Variants in PCMTD2 observed in about 807,000 individuals in gnomAD.
PCMTD2 encodes protein-L-isoaspartate O-methyltransferase domain-containing protein 2.
PCMTD2 carries 16 observed loss-of-function variants against 33.4 expected under a neutral mutation model. The ratio of observed to expected loss-of-function variants is 0.48; its 90% CI spans 0.32 to 0.73. The LOEUF (loss-of-function observed/expected upper bound fraction) is 0.73, where lower values mean the gene tolerates loss of function less well. Among genes scored for constraint, PCMTD2 ranks in the 30% least tolerant of loss-of-function variants. The probability of loss-of-function intolerance (pLI) is 0.03; values close to 1 mark genes in which losing one functional copy is unlikely to be tolerated. For missense variants in PCMTD2, 374 were observed against 449.9 expected (o/e 0.83, Z 1.53); for synonymous variants, 161 against 160.8 (o/e 1.00, Z -0.01).
In PCMTD2 at chr20:64,268,657, C is replaced by G. The variant is rs6011379; in HGVS notation, c.706+647C>G. ...TTTAAAATAAAACTATCAGGATGCTCTCTGATCATTTAGAAAATTTGGAAA... is the reference window on the plus strand; with the variant it reads ...TTTAAAATAAAACTATCAGGATGCTGTCTGATCATTTAGAAAATTTGGAAA... On this transcript the variant is annotated intron_variant, in intron 5 of 5. Transcript: ENST00000308824. Among the ~76,000 whole-genome samples the G allele has an allele frequency of 5.3e-3, 802 of 151,392 alleles. 7 individuals carry two copies. Among genetic ancestry groups the G allele is most frequent in the African/African-American group, 0.019 (767 of 41,220 alleles).
chr20:64,264,703 T>C (rs1298296131), intron 3 of PCMTD2, among the ~76,000 whole-genome samples, 172 bp downstream of exon 3: 1 of 152,210 alleles, frequency 6.6e-6, no homozygotes, highest in Non-Finnish European at 1.5e-5. Context: ...GGTTTTAGGG[T>C]ATTTCAAACT....
Position 64,273,723 on chromosome 20 carries a change from A to G in PCMTD2, c.*123A>G. 2.8e-6 allele frequency: 2 copies of G among 715,488 alleles called. No individual in the cohort carries two copies. The highest frequency in any genetic ancestry group is 4.4e-6 in the Non-Finnish European group (2 of 453,310). 44.3% of individuals were successfully genotyped at this position (715,488 alleles called of 1,614,324 possible). Reference sequence around the variant, plus strand: ...TGTGGGGAAGGGAACTGCTGGGCTCATCCACACCATGGTTTTCTTCTAGTT... The same window carrying G: ...TGTGGGGAAGGGAACTGCTGGGCTCGTCCACACCATGGTTTTCTTCTAGTT... On this transcript the variant is annotated 3_prime_UTR_variant, in exon 6 of 6. Transcript: ENST00000308824.
intron 2 of PCMTD2, among the ~76,000 whole-genome samples, chr20:64,260,706 G>GTTTT (rs10585176): frequency 1.0e-4 from 12 of 117,572 alleles, no homozygotes; most frequent in East Asian, 4.7e-4. Context: ...TGTTTTGTTG[G>GTTTT]TTTTTTTTTT....
At chr20:64,263,777 G>A (rs1195088623) in intron 2 of PCMTD2, among the ~76,000 whole-genome samples, 11 of 152,052 alleles carry the variant, frequency 7.2e-5, no homozygotes, top group Admixed American at 5.2e-4. Flanking sequence ...TGCCTTTGTC[G>A]GCAAAGATGA....
chr20:64,264,553 T>A, intron 3 of PCMTD2, 22 bp downstream of exon 3: 3 of 1,120,344 alleles, frequency 2.7e-6, no homozygotes, highest in Non-Finnish European at 4.1e-6. Flanking sequence ...TACTATCCAT[T>A]GGCTCAGATG....
intron 5 of PCMTD2, chr20:64,271,500 G>A (rs1327511247): frequency 6.6e-6 from 1 of 152,036 alleles, no homozygotes; most frequent in African/African-American, 2.4e-5. Flanking sequence ...TCTGAGGAAG[G>A]GCATGTGAGG....
rs1247411818 is a variant in PCMTD2 at position 64,273,243 on chromosome 20, C to T, written c.729C>T (p.Leu243=). Residue 243 remains leucine (L), a synonymous_variant, in exon 6 of 6, where the codon CTC becomes CTT. Coordinates refer to ENST00000308824, the MANE Select transcript of PCMTD2 (RefSeq NM_018257.3). ...VQLPPVAVRS[L]QDLARIAIRG... ...CAGCACCAGTGGCAGTTCGCAGCCT[C>T]CAGGACTTGGCTCGCATCGCCATCC... The T allele has an allele frequency of 6.2e-7, 1 of 1,613,926 alleles. No individual in the cohort carries two copies. Among genetic ancestry groups the T allele is most frequent in the Non-Finnish European group, 8.5e-7 (1 of 1,179,896 alleles).
chr20:64,263,689 C>T (rs1427042199), intron 2 of PCMTD2, among the ~76,000 whole-genome samples: 1 of 152,130 alleles, frequency 6.6e-6, no homozygotes, highest in East Asian at 1.9e-4. Context: ...GAATCAGCAC[C>T]CCAAAAGGCT....
rs1325337863 is a variant in PCMTD2, at chr20:64,274,050, G to C, written c.*450G>C. 1 of 154,246 alleles carries C rather than the reference G, an allele frequency of 6.5e-6. No homozygotes were observed. The highest frequency in any genetic ancestry group is 1.4e-5 in the Non-Finnish European group (1 of 69,536). 9.6% of individuals were successfully genotyped at this position (154,246 alleles called of 1,614,324 possible). A position where few individuals can be genotyped will look rare whatever the true frequency, so the allele number is the denominator to read the frequency against. On this transcript the variant is annotated 3_prime_UTR_variant, in exon 6 of 6. Transcript: ENST00000308824. ...TATAAATGTATAAAATCTTTTCTGG[G>C]TGTGACGCACCTGCGTCCAAGTTTG...
Position 64,265,406 on chromosome 20 carries a change from CT to C in PCMTD2, c.561del (p.Val188SerfsTer8). The C allele has an allele frequency of 6.2e-7, 1 of 1,610,962 alleles. No homozygotes were observed. Among genetic ancestry groups the C allele is most frequent in the Non-Finnish European group, 8.5e-7 (1 of 1,178,734 alleles). On this transcript the variant is annotated frameshift_variant, in exon 4 of 6. Coordinates refer to ENST00000308824, the MANE Select transcript of PCMTD2 (RefSeq NM_018257.3). LOFTEE classifies it high-confidence loss of function. The stretch of plus-strand genomic sequence containing the variant: ...GAATCTTCTCAAAGTGGGAGGGATC[CT>C]TGTCATGCCACTGGAAGAGAAGGTC... Reference protein sequence around the residue: ...MKNLLKVGGILVMPLEEKLTK... With the variant: ...MKNLLKVGGIXVMPLEEKLTK...
At chr20:64,262,584 A>C (rs1187204126) in intron 2 of PCMTD2, 2 of 152,220 alleles carry the variant, frequency 1.3e-5, no homozygotes, top group Non-Finnish European at 2.9e-5. Context: ...TCCAGAGTGA[A>C]ACCTCATTGG....
intron 2 of PCMTD2, among the ~76,000 whole-genome samples, chr20:64,264,037 G>C (rs977340608): frequency 6.6e-6 from 1 of 152,198 alleles, no homozygotes; most frequent in Non-Finnish European, 1.5e-5. Flanking sequence ...ATTGAACCCT[G>C]TTTTGTGAAT....
chr20:64,266,171 T>G (rs1985648287), intron 4 of PCMTD2, among the ~76,000 whole-genome samples: 1 of 152,140 alleles, frequency 6.6e-6, no homozygotes, highest in Non-Finnish European at 1.5e-5. Flanking sequence ...TGGGCTCAAG[T>G]GACCCTTCCG....
intron 2 of PCMTD2, among the ~76,000 whole-genome samples, chr20:64,261,500 T>G (rs34454865): frequency 6.6e-6 from 1 of 152,150 alleles, no homozygotes; most frequent in Non-Finnish European, 1.5e-5. Context: ...GCTTGATCGC[T>G]TCAAGATTGC....
intron 2 of PCMTD2, among the ~76,000 whole-genome samples, chr20:64,261,691 G>A (rs1480081860): frequency 6.6e-6 from 1 of 152,120 alleles, no homozygotes; most frequent in Non-Finnish European, 1.5e-5. Context: ...GCTACCTTCA[G>A]GTGTAAAAGT....
intron 1 of PCMTD2, among the ~76,000 whole-genome samples, chr20:64,256,375 G>A (rs1985167581): frequency 6.6e-6 from 1 of 152,186 alleles, no homozygotes; most frequent in Non-Finnish European, 1.5e-5. Context: ...GTTGGAGGAA[G>A]GAGAACTTGC....
At position 64,273,616 on chromosome 20, in the gene PCMTD2, G is replaced by C; in HGVS notation, c.*16G>C. On this transcript the variant is annotated 3_prime_UTR_variant, in exon 6 of 6. Coordinates refer to ENST00000308824, the MANE Select transcript of PCMTD2 (RefSeq NM_018257.3). ...AGAAAAATAAGTCTCCTGTTTGAAA[G>C]GGGGAAATAGGAAGAGCAGATTGCT... The C allele has an allele frequency of 1.3e-6, 2 of 1,512,480 alleles. No homozygotes were observed. The highest frequency in any genetic ancestry group is 1.4e-5 in the South Asian group (1 of 72,798). 93.7% of individuals were successfully genotyped at this position (1,512,480 alleles called of 1,614,324 possible). A position where few individuals can be genotyped will look rare whatever the true frequency, so the allele number is the denominator to read the frequency against.
At chr20:64,257,526 A>G (rs1430283064) in intron 1 of PCMTD2, among the ~76,000 whole-genome samples, 4 of 152,338 alleles carry the variant, frequency 2.6e-5, no homozygotes, top group South Asian at 2.1e-4. Flanking sequence ...TGAAAATGAT[A>G]GGATTTGGTT....
At position 64,259,932 on chromosome 20, in the gene PCMTD2, T is replaced by C. The variant is rs1334192993; in HGVS notation, c.-24-10T>C. 2.8e-6 allele frequency: 4 copies of C among 1,439,396 alleles called. No individual in the cohort carries two copies. Among genetic ancestry groups the C allele is most frequent in the Non-Finnish European group, 3.9e-6 (4 of 1,034,038 alleles). The allele number at this position is 1,439,396 out of a possible 1,614,324, so 89.2% of individuals were successfully genotyped here. On this transcript the variant is annotated splice_polypyrimidine_tract_variant and intron_variant, in intron 1 of 5. Coordinates refer to ENST00000308824, the MANE Select transcript of PCMTD2 (RefSeq NM_018257.3). ...CATAAATCGCTCTTTTTAAACATTT[T>C]TAATTATAGTATTGCCTAAGTGTAA...
Sources: allele counts gnomAD v4.1 joint callset (sites outside exome capture counted in the v4.1 genomes callset), GRCh38; gene constraint gnomAD v4.1.1; transcripts MANE v1.5; gene names NCBI Gene and HGNC (gene_info 2026-07-23, HGNC 2026-07-21).